The following TFEB variants were observed in gnomAD, a reference collection of about 807,000 sequenced individuals.
TFEB encodes T-cell transcription factor EB.
In TFEB, 12 loss-of-function variants were observed where a neutral mutation model predicts 48.0. The observed-to-expected ratio is 0.25, with a 90% CI of 0.16 to 0.40. TFEB has a LOEUF of 0.40. Among genes scored for constraint, TFEB ranks in the 10% least tolerant of loss-of-function variants. The pLI is 1.00. For synonymous variants in TFEB, 244 were observed against 261.4 expected, an observed-to-expected ratio of 0.93 and a Z score of 0.64; for missense variants, 509 against 640.3, an observed-to-expected ratio of 0.79 and a Z score of 2.21.
chr6:41,726,248 T>A (rs188193536), intron 1 of TFEB, among the ~76,000 whole-genome samples: 2 of 152,352 alleles, frequency 1.3e-5, no homozygotes, highest in East Asian at 3.9e-4. Context: ...TCCATCTGTA[T>A]TAAATTCAGA....
Position 41,684,950 on chromosome 6 carries a change from C to G in TFEB, c.1080G>C (p.Leu360=), listed in dbSNP as rs1198140058. ...GGTCAGGGACCTCAGCCCCCAGCAT[C>G]AGGGCCTCCCCTGGGCCCTCTTCGC... ...LPSEEGPGEA[L]MLGAEVPDPE... The change falls in exon 9 of 9, where the codon CTG becomes CTC. Residue 360 remains leucine (L), a synonymous_variant. Transcript: ENST00000373033. 6.3e-7 allele frequency: 1 copy of G among 1,585,428 alleles called. No homozygotes were observed. The highest frequency in any genetic ancestry group is 8.6e-7 in the Non-Finnish European group (1 of 1,166,004).
intron 1 of TFEB, among the ~76,000 whole-genome samples, chr6:41,715,071 T>C (rs1757485537): frequency 6.6e-6 from 1 of 152,138 alleles, no homozygotes; most frequent in African/African-American, 2.4e-5. Context: ...GAGAGCAGCA[T>C]GGGGAGTGGG....
intron 1 of TFEB, among the ~76,000 whole-genome samples, chr6:41,728,683 G>A (rs993879092): frequency 6.6e-6 from 1 of 152,054 alleles, no homozygotes; most frequent in African/African-American, 2.4e-5. Context: ...AACTCGGGGA[G>A]GGGGGGTTGG....
At chr6:41,686,890 A>C in intron 7 of TFEB, 2 of 598,158 alleles carry the variant, frequency 3.3e-6, no homozygotes, top group Non-Finnish European at 5.9e-6. Flanking sequence ...CCTCAGCCTC[A>C]CTTCCAGGAC....
chr6:41,686,281 A>G, intron 7 of TFEB, 44 bp from the exon 8 acceptor site: 1 of 1,607,846 alleles, frequency 6.2e-7, no homozygotes, highest in Non-Finnish European at 8.5e-7. Context: ...TGCTCAGAAG[A>G]GTGGCCAAAT....
At chr6:41,703,237 A>G (rs376555540) in intron 1 of TFEB, among the ~76,000 whole-genome samples, 9 of 152,232 alleles carry the variant, frequency 5.9e-5, no homozygotes, top group African/African-American at 2.2e-4. Context: ...CAACGACCAC[A>G]GCTGGGCACA....
At chr6:41,706,920 C>A (rs956916941) in intron 1 of TFEB, among the ~76,000 whole-genome samples, 3 of 152,264 alleles carry the variant, frequency 2.0e-5, no homozygotes, top group Non-Finnish European at 4.4e-5. Context: ...AAGCACTCTG[C>A]CTTTACCAGG....
intron 1 of TFEB, among the ~76,000 whole-genome samples, chr6:41,713,463 T>G (rs1365482990): frequency 1.3e-5 from 2 of 152,132 alleles, no homozygotes; most frequent in Non-Finnish European, 2.9e-5. Flanking sequence ...CAGAGAGACT[T>G]GATCCCCTCC....
intron 7 of TFEB, chr6:41,686,592 T>G (rs568960166): frequency 2.6e-5 from 6 of 233,076 alleles, no homozygotes; most frequent in African/African-American, 1.4e-4. Context: ...CTCGGCTCAC[T>G]GCTACCTCCA....
Position 41,734,808 on chromosome 6 carries a change from CATCAG to C in TFEB, c.-23+537_-23+541del. The C allele has an allele frequency of 1.2e-6, 1 of 831,762 alleles. No homozygotes were observed. Among genetic ancestry groups the C allele is most frequent in the Non-Finnish European group, 1.5e-6 (1 of 689,532 alleles). 51.5% of individuals were successfully genotyped at this position (831,762 alleles called of 1,614,324 possible). ...GAGATGGTACTTCCACCCGCCCCCC[CATCAG>C]CCCAGCCCCCGGGGCGTGGCGCCGC... On this transcript the variant is annotated intron_variant, in intron 1 of 8. Coordinates refer to ENST00000373033, the MANE Select transcript of TFEB (RefSeq NM_001271944.2). This position sits in a 1 kb window ranked among gnomAD's most constrained non-coding sequence, Gnocchi z 4.0.
chr6:41,701,341 T>A (rs1769911264), intron 1 of TFEB, among the ~76,000 whole-genome samples: 1 of 152,238 alleles, frequency 6.6e-6, no homozygotes, highest in South Asian at 2.1e-4. Flanking sequence ...GTGTCTGCCA[T>A]GCTTTGTTCT....
In TFEB at chr6:41,723,579, G is replaced by A; in HGVS notation, c.-23+11771C>T. Reference sequence around the variant, plus strand: ...GCTCAGTTTCCTCATTTCCCCGGCGGCTGCTGTTTCTCACCCAGCCCCCTG... The same window carrying A: ...GCTCAGTTTCCTCATTTCCCCGGCGACTGCTGTTTCTCACCCAGCCCCCTG... On this transcript the variant is annotated intron_variant, in intron 1 of 8. Coordinates refer to ENST00000373033, the MANE Select transcript of TFEB (RefSeq NM_001271944.2). This position sits in a 1 kb window ranked among gnomAD's most constrained non-coding sequence, Gnocchi z 6.0. 8.0e-7 allele frequency: 1 copy of A among 1,246,448 alleles called. No individual in the cohort carries two copies. Among genetic ancestry groups the A allele is most frequent in the Non-Finnish European group, 1.0e-6 (1 of 968,024 alleles). 77.2% of individuals were successfully genotyped at this position (1,246,448 alleles called of 1,614,324 possible). A position where few individuals can be genotyped will look rare whatever the true frequency, so the allele number is the denominator to read the frequency against.
intron 1 of TFEB, among the ~76,000 whole-genome samples, chr6:41,719,300 T>TATATTACA (rs1770879316): frequency 6.6e-6 from 1 of 152,212 alleles, no homozygotes. Context: ...TATTTCATCA[T>TATATTACA]ATATTACAAT....
chr6:41,732,370 A>T lies in TFEB; in HGVS notation c.-23+2980T>A, dbSNP rs1771489156. On this transcript the variant is annotated intron_variant, in intron 1 of 8. Transcript: ENST00000373033. ...GTGACTTGCTTAACCTCTCTGAGTA[A>T]GTAAGTGTAATGCAAACAGTAATTC... 2.6e-5 allele frequency among the ~76,000 whole-genome samples: 4 copies of T among 152,360 alleles called. No individual in the cohort carries two copies. The South Asian group carries it at 8.3e-4, about 32-fold the overall frequency.
chr6:41,732,825 G>A, intron 1 of TFEB: 1 of 985,928 alleles, frequency 1.0e-6, no homozygotes, highest in Non-Finnish European at 1.2e-6. Flanking sequence ...CCTCCGATCA[G>A]AGGAGGCCAA....
chr6:41,687,242 G>A, intron 6 of TFEB, 73 bp from the exon 7 acceptor site: 1 of 1,457,902 alleles, frequency 6.9e-7, no homozygotes, highest in Non-Finnish European at 9.6e-7. Flanking sequence ...GAAGTACCCA[G>A]CCCAGGGAGG....
intron 1 of TFEB, among the ~76,000 whole-genome samples, chr6:41,697,487 A>G (rs115932514): frequency 0.012 from 1,545 of 128,930 alleles, 37 homozygotes; most frequent in African/African-American, 0.045. Context: ...CTTCACCAAC[A>G]CCACCCCTTC....
At chr6:41,715,441 G>A (rs1357751591) in intron 1 of TFEB, among the ~76,000 whole-genome samples, 8 of 152,124 alleles carry the variant, frequency 5.3e-5, no homozygotes, top group Non-Finnish European at 8.8e-5. Context: ...AGGCTGAGGC[G>A]GGTGGATCAC....
In TFEB at chr6:41,691,379, C is replaced by A; in HGVS notation, c.-22-144G>T. The stretch of plus-strand genomic sequence containing the variant: ...GCCCTGAGAGGGGAAGAGATTTGCC[C>A]AAGGTCACTGAGCAAGCGGGTGACA... On this transcript the variant is annotated intron_variant, in intron 1 of 8. Transcript: ENST00000373033. The surrounding 1 kb of genome is among the most constrained non-coding windows in gnomAD (Gnocchi z 5.2). 1.1e-6 allele frequency: 1 copy of A among 877,886 alleles called. No homozygotes were observed. Among genetic ancestry groups the A allele is most frequent in the Non-Finnish European group, 1.9e-6 (1 of 532,852 alleles). 54.4% of individuals were successfully genotyped at this position (877,886 alleles called of 1,614,324 possible).
Sources: gnomAD v4.1 joint callset for allele counts (sites outside exome capture counted in the v4.1 genomes callset) on GRCh38, gnomAD v4.1.1 for gene constraint, Gnocchi (gnomAD v3.1) non-coding constraint, MANE v1.5 for transcripts, NCBI Gene and HGNC (gene_info 2026-07-23, HGNC 2026-07-21) for gene names.